Variants in PAFAH1B2 observed in about 807,000 individuals in gnomAD.
PAFAH1B2 encodes platelet activating factor acetylhydrolase 1b catalytic subunit 2.
Under a neutral mutation model 28.0 loss-of-function variants are expected in PAFAH1B2, and 8 were observed. The ratio of observed to expected loss-of-function variants is 0.29; its 90% CI spans 0.17 to 0.52. The LOEUF is 0.52. Among genes scored for constraint, PAFAH1B2 ranks in the 20% least tolerant of loss-of-function variants. The pLI is 0.97. For missense variants in PAFAH1B2, 190 were observed against 282.6 expected (o/e 0.67, Z 2.35); for synonymous variants, 104 against 103.2 (o/e 1.01, Z -0.05).
chr11:117,176,355 A>G (rs997793236), exon 6 of PAFAH1B2: 13 of 257,184 alleles, frequency 5.1e-5, no homozygotes, highest in Non-Finnish European at 5.9e-5. Flanking sequence ...TACCTGGCAC[A>G]TCGTGGATGC....
Position 117,170,720 on chromosome 11 carries a change from T to C in PAFAH1B2, c.*3021T>C, listed in dbSNP as rs966619353. 4 of 1,060,702 alleles carry C rather than the reference T, an allele frequency of 3.8e-6. No individual in the cohort carries two copies. In the African/African-American group the frequency reaches 6.6e-5, roughly 17 times the overall value. 65.7% of individuals were successfully genotyped at this position (1,060,702 alleles called of 1,614,324 possible). On this transcript the variant is annotated 3_prime_UTR_variant, in exon 6 of 6. Transcript: ENST00000527958. ...TTGTATGCTAAAGCCTGAAATATTGTCTGTGCTGTGGTGTATGAGCATTGC... is the reference window on the plus strand; with the variant it reads ...TTGTATGCTAAAGCCTGAAATATTGCCTGTGCTGTGGTGTATGAGCATTGC...
At chr11:117,161,321 T>G in intron 4 of PAFAH1B2, 60 bp downstream of exon 4, 1 of 1,064,572 alleles carries the variant, frequency 9.4e-7, no homozygotes, top group East Asian at 2.7e-5. Context: ...ATAGTTAAAT[T>G]GTCTGAAACT....
chr11:117,167,550 C>A lies in PAFAH1B2; in HGVS notation c.541C>A (p.His181Asn), dbSNP rs767250260. ...CCTGGATACCGACGGGGGTTTTGTGCACTCGGACGGTGCCATCTCCTGCCA... is the reference window on the plus strand; with the variant it reads ...CCTGGATACCGACGGGGGTTTTGTGAACTCGGACGGTGCCATCTCCTGCCA... Reference protein sequence around the residue: ...QLLDTDGGFVHSDGAISCHDM... With the variant: ...QLLDTDGGFVNSDGAISCHDM... Residue 181 changes from histidine (H) to asparagine (N), a missense_variant, in exon 6 of 6, where the codon CAC (histidine) becomes AAC (asparagine). His to Asn is a moderately conservative substitution (Grantham distance 68). Coordinates refer to ENST00000527958, the MANE Select transcript of PAFAH1B2 (RefSeq NM_002572.4). The A allele has an allele frequency of 5.6e-6, 9 of 1,612,952 alleles. No individual in the cohort carries two copies. The highest frequency in any genetic ancestry group is 7.6e-6 in the Non-Finnish European group (9 of 1,179,492).
chr11:117,167,762 C>T lies in PAFAH1B2; in HGVS notation c.*63C>T, dbSNP rs1446235553. 13 of 1,407,042 alleles carry T rather than the reference C, an allele frequency of 9.2e-6. No homozygotes were observed. Among genetic ancestry groups the T allele is most frequent in the African/African-American group, 1.4e-5 (1 of 69,354 alleles). 87.2% of individuals were successfully genotyped at this position (1,407,042 alleles called of 1,614,324 possible). ...CAGATCAGTTCTATCACTGGCACTACAGAATCCTTCTCTTTCTTAAGGCAC... is the reference window on the plus strand; with the variant it reads ...CAGATCAGTTCTATCACTGGCACTATAGAATCCTTCTCTTTCTTAAGGCAC... On this transcript the variant is annotated 3_prime_UTR_variant, in exon 6 of 6. Transcript: ENST00000527958.
exon 6 of PAFAH1B2, chr11:117,176,516 C>T (rs558397658): frequency 1.9e-4 from 36 of 192,268 alleles, no homozygotes; most frequent in Non-Finnish European, 1.8e-4. Flanking sequence ...TGACAAGGCA[C>T]TGATCTGGGT....
intron 1 of PAFAH1B2, among the ~76,000 whole-genome samples, chr11:117,146,512 T>C (rs1262617276): frequency 6.6e-6 from 1 of 152,154 alleles, no homozygotes; most frequent in Non-Finnish European, 1.5e-5. Context: ...CTGAGCAACA[T>C]GGCAAGACCT....
chr11:117,161,577 C>G (rs1956371885), intron 4 of PAFAH1B2, among the ~76,000 whole-genome samples: 3 of 148,864 alleles, frequency 2.0e-5, no homozygotes, highest in Non-Finnish European at 4.4e-5. Flanking sequence ...GGTGTGATCT[C>G]AGCTCACTGC....
At chr11:117,176,027 C>A (rs2029965175), downstream of PAFAH1B2, 1 of 999,400 alleles carries the variant, frequency 1.0e-6, no homozygotes, top group Non-Finnish European at 1.5e-6. Flanking sequence ...GATGAAGAAA[C>A]CTCTTTTGCC....
At chr11:117,163,548 C>T (rs2134204901) in intron 4 of PAFAH1B2, among the ~76,000 whole-genome samples, 1 of 152,154 alleles carries the variant, frequency 6.6e-6, no homozygotes, top group Non-Finnish European at 1.5e-5. Context: ...CGGCACATGC[C>T]TGTAGTCCCA....
intron 1 of PAFAH1B2, among the ~76,000 whole-genome samples, chr11:117,147,066 C>T (rs751980571): frequency 1.3e-5 from 2 of 151,952 alleles, no homozygotes; most frequent in Non-Finnish European, 1.5e-5. Context: ...GTCAGGAGTT[C>T]GAGACCACCC....
intron 1 of PAFAH1B2, among the ~76,000 whole-genome samples, chr11:117,151,829 C>T (rs1206765155): frequency 2.0e-5 from 3 of 152,112 alleles, no homozygotes; most frequent in African/African-American, 4.8e-5. Context: ...GCCTCAGCCT[C>T]CCAAGTAGCT....
In PAFAH1B2 at chr11:117,155,206, T is replaced by C. The variant is rs139639994; in HGVS notation, c.81+2678T>C. On this transcript the variant is annotated intron_variant, in intron 2 of 5. Coordinates refer to ENST00000527958, the MANE Select transcript of PAFAH1B2 (RefSeq NM_002572.4). Reference sequence around the variant, plus strand: ...CTGACCTCAGGTGATCCACGCACCTTAGCCTCCCAAAATGCTGGGATTACA... The same window carrying C: ...CTGACCTCAGGTGATCCACGCACCTCAGCCTCCCAAAATGCTGGGATTACA... 8.6e-5 allele frequency among the ~76,000 whole-genome samples: 13 copies of C among 151,524 alleles called. No individual in the cohort carries two copies. In the East Asian group the frequency reaches 9.7e-4, roughly 11 times the overall value.
At chr11:117,146,965 C>CA (rs201970225) in intron 1 of PAFAH1B2, among the ~76,000 whole-genome samples, 266 of 149,020 alleles carry the variant, frequency 1.8e-3, no homozygotes, top group Middle Eastern at 0.018. Flanking sequence ...AGCCCTATCT[C>CA]AAAAAAAACA....
At chr11:117,175,251 G>A (rs189000897), downstream of PAFAH1B2, 1,234 of 1,084,102 alleles carry the variant, frequency 1.1e-3, 3 homozygotes, top group Middle Eastern at 0.017. Context: ...CTGAGGCCCC[G>A]ACATCTCCCC....
chr11:117,165,451 A>G (rs1371777910), intron 5 of PAFAH1B2, among the ~76,000 whole-genome samples: 1 of 152,142 alleles, frequency 6.6e-6, no homozygotes, highest in Non-Finnish European at 1.5e-5. Flanking sequence ...AGATGGTGTT[A>G]GGAAGATAGT....
At chr11:117,155,554 A>T (rs1378703907) in intron 2 of PAFAH1B2, among the ~76,000 whole-genome samples, 1 of 152,248 alleles carries the variant, frequency 6.6e-6, no homozygotes, top group Non-Finnish European at 1.5e-5. Context: ...GTTCAAGTAC[A>T]GTAAAACCAG....
chr11:117,151,501 T>A (rs1956151521), intron 1 of PAFAH1B2, among the ~76,000 whole-genome samples: 1 of 152,184 alleles, frequency 6.6e-6, no homozygotes, highest in Admixed American at 6.5e-5. Context: ...AGTGCTGGGA[T>A]TACAGGCGTG....
At chr11:117,162,131 T>C (rs1044635265) in intron 4 of PAFAH1B2, among the ~76,000 whole-genome samples, 3 of 152,146 alleles carry the variant, frequency 2.0e-5, no homozygotes, top group African/African-American at 7.2e-5. Flanking sequence ...CAAAACGTGC[T>C]TTCATTGAAA....
In PAFAH1B2 at chr11:117,170,727, T is replaced by C; in HGVS notation, c.*3028T>C. 9.5e-7 allele frequency: 1 copy of C among 1,058,054 alleles called. No homozygotes were observed. The highest frequency in any genetic ancestry group is 1.1e-6 in the Non-Finnish European group (1 of 874,822). 65.5% of individuals were successfully genotyped at this position (1,058,054 alleles called of 1,614,324 possible). A position where few individuals can be genotyped will look rare whatever the true frequency, so the allele number is the denominator to read the frequency against. ...CTAAAGCCTGAAATATTGTCTGTGC[T>C]GTGGTGTATGAGCATTGCCAACTTT... On this transcript the variant is annotated 3_prime_UTR_variant, in exon 6 of 6. Transcript: ENST00000527958.
Sources: allele counts gnomAD v4.1 joint callset (sites outside exome capture counted in the v4.1 genomes callset), GRCh38; gene constraint gnomAD v4.1.1; transcripts MANE v1.5; gene names NCBI Gene and HGNC (gene_info 2026-07-23, HGNC 2026-07-21).